The following PIK3C2G variants were observed in gnomAD, a reference collection of about 807,000 sequenced individuals.
PIK3C2G encodes the protein phosphatidylinositol-4-phosphate 3-kinase catalytic subunit type 2 gamma.
In PIK3C2G, 168 loss-of-function variants were observed where a neutral mutation model predicts 181.1. That is an observed-to-expected ratio of 0.93 (90% CI 0.82 to 1.05). The LOEUF (loss-of-function observed/expected upper bound fraction) is 1.05. PIK3C2G is among the 50% of genes least tolerant of loss of function. PIK3C2G has a pLI of 0.00. For missense variants in PIK3C2G, 1,869 were observed against 1,732.8 expected, an observed-to-expected ratio of 1.08 and a Z score of -1.40; for synonymous variants, 573 against 592.2, an observed-to-expected ratio of 0.97 and a Z score of 0.47.
At chr12:18,333,228 G>A (rs747560133) in intron 8 of PIK3C2G, among the ~76,000 whole-genome samples, 4 of 151,964 alleles carry the variant, frequency 2.6e-5, no homozygotes, top group Admixed American at 6.6e-5. Flanking sequence ...TTATAATTTT[G>A]TATATTATCT....
chr12:18,545,222 A>G (rs951297237), intron 25 of PIK3C2G, among the ~76,000 whole-genome samples: 6 of 151,898 alleles, frequency 4.0e-5, no homozygotes, highest in Non-Finnish European at 7.4e-5. Flanking sequence ...GACATATTAA[A>G]GACATCTTGC....
At chr12:18,713,036 A>G in the PIK3C2G span, 4 of 1,602,112 alleles carry the variant, frequency 2.5e-6, no homozygotes, top group South Asian at 1.1e-5. Flanking sequence ...CATTAAAAAT[A>G]TATACCAAAG....
At chr12:18,698,327 A>G in the PIK3C2G span, among the ~76,000 whole-genome samples, 1 of 151,712 alleles carries the variant, frequency 6.6e-6, no homozygotes, top group Non-Finnish European at 1.5e-5. Flanking sequence ...ATTCTACTCT[A>G]TACTACTCTA....
chr12:18,588,326 G>A (rs1404137794), intron 29 of PIK3C2G, among the ~76,000 whole-genome samples: 1 of 152,060 alleles, frequency 6.6e-6, no homozygotes, highest in Non-Finnish European at 1.5e-5. Flanking sequence ...CCTACTGAAT[G>A]AGAGAAAATA....
At chr12:18,603,553 T>C (rs1237396777) in intron 30 of PIK3C2G, among the ~76,000 whole-genome samples, 1 of 152,048 alleles carries the variant, frequency 6.6e-6, no homozygotes, top group Non-Finnish European at 1.5e-5. Context: ...AAAGTTCTTC[T>C]CCTGAGCACA....
intron 18 of PIK3C2G, among the ~76,000 whole-genome samples, chr12:18,430,006 G>T (rs777084817): frequency 6.6e-6 from 1 of 152,078 alleles, no homozygotes; most frequent in Non-Finnish European, 1.5e-5. Context: ...CTTGACCCGA[G>T]ATCTCATCCT....
At chr12:18,664,844 C>A in the PIK3C2G span, among the ~76,000 whole-genome samples, 1 of 151,528 alleles carries the variant, frequency 6.6e-6, no homozygotes, top group East Asian at 1.9e-4. Context: ...ATGATGAGTT[C>A]ATGTCCTTTG....
chr12:18,326,254 C>T (rs900057404), intron 8 of PIK3C2G, among the ~76,000 whole-genome samples: 8 of 152,078 alleles, frequency 5.3e-5, no homozygotes, highest in South Asian at 4.1e-4. Context: ...GTTGTGATCT[C>T]CATTAGGCAG....
At chr12:18,669,642 G>T in the PIK3C2G span, among the ~76,000 whole-genome samples, 1 of 151,652 alleles carries the variant, frequency 6.6e-6, no homozygotes. Context: ...GCAGAGAGAG[G>T]AAGCTCTGGT....
At position 18,550,281 on chromosome 12, in the gene PIK3C2G, A is replaced by C. The variant is rs191582139; in HGVS notation, c.3590+3849A>C. Among the ~76,000 whole-genome samples the C allele has an allele frequency of 5.3e-5, 8 of 152,214 alleles. No individual in the cohort carries two copies. In the East Asian group the frequency reaches 1.6e-3, roughly 30 times the overall value. On this transcript the variant is annotated intron_variant, in intron 26 of 32. Coordinates refer to ENST00000538779, the MANE Select transcript of PIK3C2G (RefSeq NM_001288772.2). ...AAATTTCTGAAACAAATTATGTATT[A>C]TGTTGTTTGGAAATCCTTAAACAAT...
At chr12:18,439,122 A>G (rs901456743) in intron 18 of PIK3C2G, among the ~76,000 whole-genome samples, 1 of 151,976 alleles carries the variant, frequency 6.6e-6, no homozygotes, top group African/African-American at 2.4e-5. Context: ...GTTTAATAAC[A>G]GAGTTTGAAA....
At chr12:18,668,143 C>T in the PIK3C2G span, among the ~76,000 whole-genome samples, 1 of 152,130 alleles carries the variant, frequency 6.6e-6, no homozygotes, top group African/African-American at 2.4e-5. Flanking sequence ...CTCTCTGTCT[C>T]ATAGGGACTA....
At chr12:18,702,437 G>A in the PIK3C2G span, among the ~76,000 whole-genome samples, 1 of 152,000 alleles carries the variant, frequency 6.6e-6, no homozygotes, top group Non-Finnish European at 1.5e-5. Flanking sequence ...AATTTAACAA[G>A]TACATTTAAG....
Position 18,583,870 on chromosome 12 carries a change from G to C in PIK3C2G, c.4012-10624G>C, listed in dbSNP as rs140424986. On this transcript the variant is annotated intron_variant, in intron 29 of 32. Transcript: ENST00000538779. ...CAACAAGGGTTCTTAACTAGGCTGA[G>C]TTGGCTGGAATGACAGAAATAGAAT... Among the ~76,000 whole-genome samples, 5 of 152,246 alleles carry C rather than the reference G, an allele frequency of 3.3e-5. No homozygotes were observed. In the East Asian group the frequency reaches 9.7e-4, roughly 29 times the overall value.
chr12:18,642,533 C>T (rs1396577117), intron 32 of PIK3C2G, among the ~76,000 whole-genome samples: 5 of 152,138 alleles, frequency 3.3e-5, no homozygotes, highest in African/African-American at 1.2e-4. Flanking sequence ...AGAACTCATG[C>T]CACCATTCAC....
the PIK3C2G span, among the ~76,000 whole-genome samples, chr12:18,687,461 T>C: frequency 6.6e-6 from 1 of 152,104 alleles, no homozygotes; most frequent in Non-Finnish European, 1.5e-5. Flanking sequence ...ACCTATCCTT[T>C]TCTAATTTCC....
chr12:18,577,511 G>T (rs1216475690), intron 29 of PIK3C2G, among the ~76,000 whole-genome samples: 3 of 152,064 alleles, frequency 2.0e-5, no homozygotes, highest in African/African-American at 7.2e-5. Flanking sequence ...TTTTTATATT[G>T]AATTGAATTA....
chr12:18,452,205 C>A (rs1319970992), intron 18 of PIK3C2G, among the ~76,000 whole-genome samples: 1 of 152,092 alleles, frequency 6.6e-6, no homozygotes, highest in Non-Finnish European at 1.5e-5. Flanking sequence ...TGGTCCTGGG[C>A]TTTTTCTGGT....
intron 29 of PIK3C2G, among the ~76,000 whole-genome samples, chr12:18,587,308 C>T (rs1946834263): frequency 6.6e-6 from 1 of 152,114 alleles, no homozygotes; most frequent in South Asian, 2.1e-4. Flanking sequence ...CTCAAAAACC[C>T]CATTGTCTCA....
Sources: allele counts gnomAD v4.1 joint callset (sites outside exome capture counted in the v4.1 genomes callset), GRCh38; gene constraint gnomAD v4.1.1; transcripts MANE v1.5; gene names NCBI Gene and HGNC (gene_info 2026-07-23, HGNC 2026-07-21).